Variants in NELL1 observed in about 807,000 individuals in gnomAD.
NELL1 encodes neural EGFL like 1.
In NELL1, 76 loss-of-function variants were observed where a neutral mutation model predicts 107.4. The observed-to-expected ratio is 0.71, with a 90% CI of 0.59 to 0.86. The LOEUF (loss-of-function observed/expected upper bound fraction) is 0.86, where lower values mean the gene tolerates loss of function less well. NELL1 is among the 40% of genes least tolerant of loss of function. NELL1 has a pLI of 0.00. For missense variants in NELL1, 1,024 were observed against 1,005.5 expected (o/e 1.02, Z -0.25); for synonymous variants, 353 against 341.2 (o/e 1.03, Z -0.38).
chr11:20,962,932 T>C (rs747876718), intron 12 of NELL1, among the ~76,000 whole-genome samples: 13 of 152,134 alleles, frequency 8.5e-5, no homozygotes, highest in Non-Finnish European at 2.9e-5. Flanking sequence ...CCTCCTAGCA[T>C]GTAGGAACAT....
chr11:21,204,122 T>G (rs1225962081), intron 13 of NELL1, among the ~76,000 whole-genome samples: 1 of 152,152 alleles, frequency 6.6e-6, no homozygotes, highest in Non-Finnish European at 1.5e-5. Context: ...ATTTTTGTGG[T>G]GGTCTCTGTA....
chr11:21,327,753 A>G lies in NELL1; in HGVS notation c.1550-43100A>G, dbSNP rs186455336. Among the ~76,000 whole-genome samples the G allele has an allele frequency of 4.0e-4, 61 of 152,250 alleles. 1 individual carries two copies. The highest frequency in any genetic ancestry group is 3.8e-3 in the Admixed American group (58 of 15,290). On this transcript the variant is annotated intron_variant, in intron 14 of 19. Transcript: ENST00000357134. ...CTTGAATGGCTTTGACCAAAATGCT[A>G]GTAATGATATGGACAATGAAGTCCA...
At chr11:20,886,143 A>G (rs1751793712) in intron 5 of NELL1, among the ~76,000 whole-genome samples, 1 of 152,098 alleles carries the variant, frequency 6.6e-6, no homozygotes, top group Non-Finnish European at 1.5e-5. Context: ...CTGAAAAACT[A>G]TTTGGTACCA....
At chr11:21,237,926 A>G (rs1180931031) in intron 14 of NELL1, among the ~76,000 whole-genome samples, 2 of 152,010 alleles carry the variant, frequency 1.3e-5, no homozygotes, top group South Asian at 2.1e-4. Flanking sequence ...AGCTTTAAAT[A>G]CCATCTATAT....
At chr11:21,394,751 C>G (rs1168527586) in intron 15 of NELL1, among the ~76,000 whole-genome samples, 1 of 151,354 alleles carries the variant, frequency 6.6e-6, no homozygotes, top group East Asian at 2.0e-4. Context: ...GGGTAGAATC[C>G]TGAGTCATCA....
At chr11:21,289,151 A>C (rs530808945) in intron 14 of NELL1, among the ~76,000 whole-genome samples, 1 of 152,360 alleles carries the variant, frequency 6.6e-6, no homozygotes, top group Non-Finnish European at 1.5e-5. Flanking sequence ...ATAGGTGAGG[A>C]GCACTATTGA....
At chr11:21,508,372 A>G (rs1855348440) in intron 15 of NELL1, among the ~76,000 whole-genome samples, 1 of 152,194 alleles carries the variant, frequency 6.6e-6, no homozygotes, top group Admixed American at 6.5e-5. Context: ...GTTAAAAATC[A>G]GTACTCACCT....
intron 15 of NELL1, among the ~76,000 whole-genome samples, chr11:21,485,833 C>T (rs1590969345): frequency 6.6e-6 from 1 of 152,108 alleles, no homozygotes; most frequent in East Asian, 1.9e-4. Flanking sequence ...TTAAGCATGA[C>T]ATCCAGGCGC....
At chr11:21,141,770 T>C (rs944409019) in intron 13 of NELL1, among the ~76,000 whole-genome samples, 3 of 151,402 alleles carry the variant, frequency 2.0e-5, no homozygotes, top group African/African-American at 7.3e-5. Flanking sequence ...TATTTATTTA[T>C]TTATTTATTT....
intron 15 of NELL1, among the ~76,000 whole-genome samples, chr11:21,422,092 CAT>C (rs146860798): frequency 0.026 from 1,292 of 50,068 alleles, 10 homozygotes; most frequent in South Asian, 0.079. Context: ...GACATTTACA[CAT>C]ATGTGTGTGT....
intron 14 of NELL1, among the ~76,000 whole-genome samples, chr11:21,343,116 C>G (rs78662625): frequency 0.016 from 2,375 of 152,114 alleles, 62 homozygotes; most frequent in African/African-American, 0.054. Flanking sequence ...ACCAAGAAAG[C>G]TCTATTCAAA....
At chr11:20,853,442 T>C (rs780294336) in intron 4 of NELL1, among the ~76,000 whole-genome samples, 5 of 152,196 alleles carry the variant, frequency 3.3e-5, no homozygotes, top group Non-Finnish European at 7.3e-5. Context: ...CATTCATTCA[T>C]TCATTCACTC....
At chr11:21,217,090 G>T (rs893593467) in intron 13 of NELL1, among the ~76,000 whole-genome samples, 1 of 152,066 alleles carries the variant, frequency 6.6e-6, no homozygotes. Context: ...GAGTTCCCAC[G>T]AGATCTGATG....
At chr11:20,806,743 T>G (rs1857393138) in intron 3 of NELL1, among the ~76,000 whole-genome samples, 1 of 152,106 alleles carries the variant, frequency 6.6e-6, no homozygotes, top group Admixed American at 6.6e-5. Context: ...ATTTATTTAT[T>G]TATTTGTCTC....
intron 5 of NELL1, among the ~76,000 whole-genome samples, chr11:20,895,054 G>C (rs1849697151): frequency 7.0e-6 from 1 of 142,714 alleles, no homozygotes; most frequent in Non-Finnish European, 1.5e-5. Context: ...GGCGGATCAC[G>C]AGGTCAGGAG....
At chr11:21,089,642 CT>C (rs1363122518) in intron 12 of NELL1, among the ~76,000 whole-genome samples, 5 of 152,156 alleles carry the variant, frequency 3.3e-5, no homozygotes, top group Non-Finnish European at 5.9e-5. Flanking sequence ...TTTCTGCAAG[CT>C]GCAAAGATAT....
At chr11:21,161,273 C>T (rs1394206866) in intron 13 of NELL1, among the ~76,000 whole-genome samples, 2 of 152,150 alleles carry the variant, frequency 1.3e-5, no homozygotes, top group Admixed American at 6.5e-5. Context: ...CATGGTGGCT[C>T]ATGTCCATAA....
At chr11:20,706,774 T>C (rs970134766) in intron 2 of NELL1, among the ~76,000 whole-genome samples, 14 of 152,332 alleles carry the variant, frequency 9.2e-5, no homozygotes, top group African/African-American at 3.4e-4. Flanking sequence ...CTTCCCTTTG[T>C]GGGTAACCCA....
chr11:20,798,504 A>G (rs1857218573), intron 3 of NELL1, among the ~76,000 whole-genome samples: 1 of 98,088 alleles, frequency 1.0e-5, no homozygotes, highest in Non-Finnish European at 2.7e-5. Flanking sequence ...CTCCTAGAGA[A>G]TTTAAAAAAA....
Sources: allele counts gnomAD v4.1 joint callset (sites outside exome capture counted in the v4.1 genomes callset), GRCh38; gene constraint gnomAD v4.1.1; transcripts MANE v1.5; gene names NCBI Gene and HGNC (gene_info 2026-07-23, HGNC 2026-07-21).